CD38: variants seen among roughly 807,000 people sequenced by gnomAD.
The protein encoded by CD38 is CD38 molecule.
In CD38, 31 loss-of-function variants were observed where a neutral mutation model predicts 36.3. That is an observed-to-expected ratio of 0.85 (90% CI 0.64 to 1.15). The LOEUF is 1.15. CD38 is among the 50% of genes most tolerant of loss of function. CD38 has a pLI of 0.00. For synonymous variants in CD38, 131 were observed against 135.2 expected, an observed-to-expected ratio of 0.97 and a Z score of 0.22; for missense variants, 380 against 371.9, an observed-to-expected ratio of 1.02 and a Z score of -0.18.
In CD38 at chr4:15,796,180, CA is replaced by C. The variant is rs944570953; in HGVS notation, c.233+17541del. Among the ~76,000 whole-genome samples the C allele has an allele frequency of 1.4e-4, 21 of 151,778 alleles. No individual in the cohort carries two copies. The South Asian group carries it at 3.3e-3, about 24-fold the overall frequency. ...TGAAACTGAGAGAGATTTAAAACCA[CA>C]AAAAAAATGTAAGATTTAGTTAGTT... On this transcript the variant is annotated intron_variant, in intron 1 of 7. Transcript: ENST00000226279.
chr4:15,842,294 G>A (rs1334251267), intron 7 of CD38, among the ~76,000 whole-genome samples: 1 of 137,214 alleles, frequency 7.3e-6, no homozygotes, highest in Non-Finnish European at 1.5e-5. Context: ...CCCCCAGCAG[G>A]GGCACACTGA....
intron 2 of CD38, among the ~76,000 whole-genome samples, chr4:15,818,872 A>G (rs1305046882): frequency 6.6e-6 from 1 of 152,242 alleles, no homozygotes; most frequent in Non-Finnish European, 1.5e-5. Flanking sequence ...CTCAAAGATC[A>G]AAGGTAGATA....
rs201343273 is a variant in CD38 at position 15,778,610 on chromosome 4, C to T, written c.196C>T (p.Arg66Ter). 1.6e-4 allele frequency: 259 copies of T among 1,613,496 alleles called. No homozygotes were observed. The highest frequency in any genetic ancestry group is 2.1e-4 in the Non-Finnish European group (246 of 1,179,870). The change falls in exon 1 of 8, where the codon CGA becomes TGA. Residue 66 changes from arginine to a stop codon, truncating the protein, a stop_gained. Coordinates refer to ENST00000226279, the MANE Select transcript of CD38 (RefSeq NM_001775.4). LOFTEE classifies it high-confidence loss of function. The surrounding 1 kb of genome is among the most constrained non-coding windows in gnomAD (Gnocchi z 4.9). Reference protein sequence around the residue: ...TKRFPETVLARCVKYTEIHPE... With the variant: ...TKRFPETVLA ...GCGCTTTCCCGAGACCGTCCTGGCGCGATGCGTCAAGTACACTGAAATTCA... is the reference window on the plus strand; with the variant it reads ...GCGCTTTCCCGAGACCGTCCTGGCGTGATGCGTCAAGTACACTGAAATTCA...
intron 1 of CD38, among the ~76,000 whole-genome samples, chr4:15,779,569 T>A (rs1223239751): frequency 6.6e-6 from 1 of 152,148 alleles, no homozygotes; most frequent in Non-Finnish European, 1.5e-5. Flanking sequence ...ATTTAAGCAA[T>A]CCGAGGAAAC....
chr4:15,810,600 G>A (rs972188653), intron 1 of CD38, among the ~76,000 whole-genome samples: 1 of 152,174 alleles, frequency 6.6e-6, no homozygotes, highest in African/African-American at 2.4e-5. Context: ...TGACATTGAA[G>A]TACATAATGT....
intron 1 of CD38, among the ~76,000 whole-genome samples, chr4:15,794,807 A>G (rs1723074908): frequency 6.6e-6 from 1 of 152,190 alleles, no homozygotes. Flanking sequence ...CTACTTATTC[A>G]ATTTTGTGCA....
intron 1 of CD38, among the ~76,000 whole-genome samples, chr4:15,780,516 TCTCACACACACACACACACA>T (rs1482294707): frequency 8.9e-6 from 1 of 112,448 alleles, no homozygotes; most frequent in East Asian, 2.5e-4. Flanking sequence ...ATATTCTCTC[TCTCACACACACACACACACA>T]CACACACACA....
At chr4:15,812,781 C>T (rs2148921325) in intron 1 of CD38, among the ~76,000 whole-genome samples, 1 of 152,268 alleles carries the variant, frequency 6.6e-6, no homozygotes, top group East Asian at 1.9e-4. Flanking sequence ...GTCTTCTTTA[C>T]TTTGTAACAG....
At chr4:15,779,567 A>C (rs1722645338) in intron 1 of CD38, among the ~76,000 whole-genome samples, 1 of 152,206 alleles carries the variant, frequency 6.6e-6, no homozygotes, top group Non-Finnish European at 1.5e-5. Flanking sequence ...GCATTTAAGC[A>C]ATCCGAGGAA....
intron 1 of CD38, among the ~76,000 whole-genome samples, chr4:15,784,712 G>A (rs539988562): frequency 5.9e-5 from 9 of 152,120 alleles, no homozygotes; most frequent in Non-Finnish European, 8.8e-5. Flanking sequence ...AATGCTTAGT[G>A]TTATGATTGA....
At chr4:15,816,707 C>T in intron 2 of CD38, 67 bp downstream of exon 2, 1 of 1,519,606 alleles carries the variant, frequency 6.6e-7, no homozygotes, top group Non-Finnish European at 9.1e-7. Flanking sequence ...TTCATAGGTC[C>T]AAATTTTTAT....
intron 1 of CD38, among the ~76,000 whole-genome samples, chr4:15,798,680 A>T (rs1021395067): frequency 6.6e-6 from 1 of 152,330 alleles, no homozygotes; most frequent in Middle Eastern, 3.4e-3. Flanking sequence ...AATTTGTTGT[A>T]TCACTTTATT....
intron 6 of CD38, among the ~76,000 whole-genome samples, 163 bp downstream of exon 6, chr4:15,840,281 T>C (rs1325519350): frequency 6.6e-6 from 1 of 152,168 alleles, no homozygotes; most frequent in Non-Finnish European, 1.5e-5. Flanking sequence ...CAAAGGATAT[T>C]TAACTGCTTG....
At chr4:15,790,317 C>T (rs535985582) in intron 1 of CD38, among the ~76,000 whole-genome samples, 3 of 152,238 alleles carry the variant, frequency 2.0e-5, no homozygotes, top group African/African-American at 2.4e-5. Flanking sequence ...CGAGTGCCTG[C>T]GCACGCCGCC....
chr4:15,791,095 G>A (rs1577636233), intron 1 of CD38, among the ~76,000 whole-genome samples: 1 of 127,702 alleles, frequency 7.8e-6, no homozygotes, highest in African/African-American at 3.5e-5. Flanking sequence ...GGGAGGTGAG[G>A]GGCTCCTCTG....
At chr4:15,848,248 C>G (rs144229480) in intron 7 of CD38, among the ~76,000 whole-genome samples, 1,526 of 152,284 alleles carry the variant, frequency 0.01, 8 homozygotes, top group Non-Finnish European at 0.017. Context: ...GACTCTGCCT[C>G]TGACCCTGGA....
intron 3 of CD38, among the ~76,000 whole-genome samples, chr4:15,830,445 T>A (rs1723937193): frequency 6.6e-6 from 1 of 152,224 alleles, no homozygotes; most frequent in Non-Finnish European, 1.5e-5. Context: ...ATTATTAGAT[T>A]TCTTTCCTAT....
rs534940020 is a variant in CD38 at position 15,783,901 on chromosome 4, A to G, written c.233+5254A>G. ...ACTCAGCAAAACTTGTTAGTACAACATGAGCAAAACAGCAAATTTATGCAA... is the reference window on the plus strand; with the variant it reads ...ACTCAGCAAAACTTGTTAGTACAACGTGAGCAAAACAGCAAATTTATGCAA... On this transcript the variant is annotated intron_variant, in intron 1 of 7. Coordinates refer to ENST00000226279, the MANE Select transcript of CD38 (RefSeq NM_001775.4). Among the ~76,000 whole-genome samples, 8 of 152,356 alleles carry G rather than the reference A, an allele frequency of 5.3e-5. No homozygotes were observed. In the South Asian group the frequency reaches 1.7e-3, roughly 32 times the overall value.
rs977724186 is a variant in CD38, at chr4:15,833,718, G to A, written c.500-499G>A. ...CACAGAAACTATGTATTCATGCTCT[G>A]TGTCCATTGTACTTCACTCAGGGTT... On this transcript the variant is annotated intron_variant, in intron 3 of 7. Transcript: ENST00000226279. Among the ~76,000 whole-genome samples, 5 of 152,226 alleles carry A rather than the reference G, an allele frequency of 3.3e-5. No individual in the cohort carries two copies. In the East Asian group the frequency reaches 9.6e-4, roughly 29 times the overall value.
Sources: gnomAD v4.1 joint callset for allele counts (sites outside exome capture counted in the v4.1 genomes callset) on GRCh38, gnomAD v4.1.1 for gene constraint, Gnocchi (gnomAD v3.1) non-coding constraint, MANE v1.5 for transcripts, NCBI Gene and HGNC (gene_info 2026-07-23, HGNC 2026-07-21) for gene names.